The following TAF5 variants were observed in gnomAD, a reference collection of about 807,000 sequenced individuals.
The protein encoded by TAF5 is TATA-box binding protein associated factor 5, also known as transcription initiation factor TFIID subunit 5.
TAF5 carries 20 observed loss-of-function variants against 80.9 expected under a neutral mutation model. The observed-to-expected ratio is 0.25, with a 90% CI of 0.17 to 0.36. The LOEUF (loss-of-function observed/expected upper bound fraction) is 0.36, where lower values mean the gene tolerates loss of function less well. Ranked by LOEUF, TAF5 falls within the 10% of genes least tolerant of loss-of-function variation. TAF5 has a pLI of 1.00. For synonymous variants in TAF5, 388 were observed against 406.4 expected (o/e 0.95, Z 0.55); for missense variants, 863 against 1,029.4 (o/e 0.84, Z 2.21).
Position 103,387,108 on chromosome 10 carries a change from A to G in TAF5, c.1830-67A>G, listed in dbSNP as rs2093398475. On this transcript the variant is annotated intron_variant, in intron 8 of 10. Transcript: ENST00000369839. The stretch of plus-strand genomic sequence containing the variant: ...GTGGATGTTTCTGTATTTATTTTGT[A>G]TAGATTTTTGGCGTTTCACAGCTAT... The G allele has an allele frequency of 3.4e-6, 5 of 1,467,540 alleles. No homozygotes were observed. The South Asian group carries it at 5.3e-5, about 16-fold the overall frequency. 90.9% of individuals were successfully genotyped at this position (1,467,540 alleles called of 1,614,324 possible).
chr10:103,388,288 C>A lies in TAF5; in HGVS notation c.*65C>A. ...AAAAAGGGAGACTAAAAGCAAATAC[C>A]TCAGTGATTAATATTTAAGCTACAG... On this transcript the variant is annotated 3_prime_UTR_variant, in exon 11 of 11. Coordinates refer to ENST00000369839, the MANE Select transcript of TAF5 (RefSeq NM_006951.5). 7.7e-7 allele frequency: 1 copy of A among 1,306,106 alleles called. No homozygotes were observed. Among genetic ancestry groups the A allele is most frequent in the Non-Finnish European group, 1.1e-6 (1 of 932,550 alleles). The allele number at this position is 1,306,106 out of a possible 1,614,324, so 80.9% of individuals were successfully genotyped here.
At chr10:103,386,427 G>A (rs1188543960) in intron 8 of TAF5, among the ~76,000 whole-genome samples, 1 of 152,326 alleles carries the variant, frequency 6.6e-6, no homozygotes, top group Non-Finnish European at 1.5e-5. Flanking sequence ...ATGACAGAGT[G>A]AGACTGTCTC....
chr10:103,376,459 A>G (rs777554376), intron 2 of TAF5, among the ~76,000 whole-genome samples: 1 of 152,110 alleles, frequency 6.6e-6, no homozygotes, highest in South Asian at 2.1e-4. Flanking sequence ...ACAGGGTAGT[A>G]GTAATAGAGG....
At chr10:103,377,468 A>AT (rs1330500492) in intron 2 of TAF5, among the ~76,000 whole-genome samples, 1 of 152,210 alleles carries the variant, frequency 6.6e-6, no homozygotes, top group African/African-American at 2.4e-5. Flanking sequence ...ATGTTTTTGC[A>AT]TTGATTGCTG....
intron 8 of TAF5, among the ~76,000 whole-genome samples, chr10:103,386,299 C>T (rs542063556): frequency 1.3e-4 from 20 of 151,970 alleles, no homozygotes; most frequent in Admixed American, 3.9e-4. Context: ...AAAAATTAGC[C>T]GGGTGTGGTG....
intron 2 of TAF5, among the ~76,000 whole-genome samples, chr10:103,375,988 G>A (rs2093369150): frequency 6.6e-6 from 1 of 151,468 alleles, no homozygotes; most frequent in South Asian, 2.1e-4. Context: ...AATCTGGGAG[G>A]CAGAGGTTGC....
chr10:103,385,515 T>G, intron 8 of TAF5, 25 bp downstream of exon 8: 12 of 1,611,606 alleles, frequency 7.4e-6, no homozygotes, highest in Non-Finnish European at 1.0e-5. Flanking sequence ...ATCTTATGAC[T>G]GGGTCTATTC....
At chr10:103,383,719 C>T (rs2093388556) in intron 7 of TAF5, among the ~76,000 whole-genome samples, 2 of 151,900 alleles carry the variant, frequency 1.3e-5, no homozygotes, top group South Asian at 4.1e-4. Flanking sequence ...GCTGGGATTA[C>T]AGGCATGCGC....
intron 8 of TAF5, 115 bp from the exon 9 acceptor site, chr10:103,387,060 C>T (rs2093398303): frequency 3.2e-6 from 3 of 948,128 alleles, no homozygotes; most frequent in Admixed American, 5.8e-5. Context: ...AAGTGGGGGG[C>T]CCACTCAGAA....
rs1052878857 is a variant in TAF5 at position 103,383,129 on chromosome 10, A to G, written c.1535-109A>G. ...GGGATTAGCAAAGTGCGGTTGGTAT[A>G]TAGGAGGAAATTTTCAAATGTTAAT... On this transcript the variant is annotated intron_variant, in intron 6 of 10. Coordinates refer to ENST00000369839, the MANE Select transcript of TAF5 (RefSeq NM_006951.5). 3.3e-5 allele frequency: 33 copies of G among 999,040 alleles called. No homozygotes were observed. The Admixed American group carries it at 1.0e-3, about 31-fold the overall frequency. The allele number at this position is 999,040 out of a possible 1,614,324, so 61.9% of individuals were successfully genotyped here.
At chr10:103,376,248 T>A (rs902064264) in intron 2 of TAF5, among the ~76,000 whole-genome samples, 18 of 151,972 alleles carry the variant, frequency 1.2e-4, no homozygotes, top group African/African-American at 4.3e-4. Flanking sequence ...TGCATCACCA[T>A]GCCTGGCTAA....
rs147196685 is a variant in TAF5 at position 103,385,311 on chromosome 10, C to T, written c.1665-15C>T. ...TTACTCTGGGAGTCAAATATATCACCTTCTCTTCTCTCAGGAACTATCTGC... is the reference window on the plus strand; with the variant it reads ...TTACTCTGGGAGTCAAATATATCACTTTCTCTTCTCTCAGGAACTATCTGC... On this transcript the variant is annotated splice_polypyrimidine_tract_variant and intron_variant, in intron 7 of 10. Transcript: ENST00000369839. The T allele has an allele frequency of 9.4e-6, 15 of 1,592,576 alleles. No individual in the cohort carries two copies. Among genetic ancestry groups the T allele is most frequent in the Middle Eastern group, 1.7e-4 (1 of 5,994 alleles).
Position 103,381,735 on chromosome 10 carries a change from G to C in TAF5, c.1428G>C (p.Val476=), listed in dbSNP as rs143908412. Residue 476 remains valine, a synonymous_variant, in exon 6 of 11, where the codon GTG becomes GTC. Transcript: ENST00000369839. ...FLNAYQGLTA[V]DVTDDSSLIA... is the part of the protein sequence containing the mutation. ...TTTATTGGCAGGGTCTCACTGCAGTGGATGTCACTGATGATTCTAGTCTGA... is the reference window on the plus strand; with the variant it reads ...TTTATTGGCAGGGTCTCACTGCAGTCGATGTCACTGATGATTCTAGTCTGA... 4.1e-3 allele frequency: 6,577 copies of C among 1,614,142 alleles called. 21 individuals carry two copies. The highest frequency in any genetic ancestry group is 5.1e-3 in the Non-Finnish European group (6,028 of 1,180,012).
At chr10:103,381,568 A>G (rs1247757507) in intron 5 of TAF5, among the ~76,000 whole-genome samples, 153 bp from the exon 6 acceptor site, 3 of 152,192 alleles carry the variant, frequency 2.0e-5, no homozygotes, top group African/African-American at 7.2e-5. Context: ...CGCTTGGCCA[A>G]TATTTTAAAT....
chr10:103,368,286 C>A lies in TAF5; in HGVS notation c.297C>A (p.Ala99=). The change falls in exon 1 of 11, where the codon GCC becomes GCA. Residue 99 remains alanine (A), a synonymous_variant. Transcript: ENST00000369839. ...GAPHDRQTLL[A]VLQFLRQSKL... ...CGCATGACCGACAGACTCTACTGGC[C>A]GTGCTGCAGTTCCTACGGCAGAGCA... 3 of 1,579,164 alleles carry A rather than the reference C, an allele frequency of 1.9e-6. No individual in the cohort carries two copies. Among genetic ancestry groups the A allele is most frequent in the Non-Finnish European group, 2.6e-6 (3 of 1,171,824 alleles).
At position 103,387,590 on chromosome 10, in the gene TAF5, GTGCTTCTTTGGGA is replaced by G; in HGVS notation, c.2079_2091del (p.Leu695AspfsTer4). 6.2e-7 allele frequency: 1 copy of G among 1,614,138 alleles called. No homozygotes were observed. Among genetic ancestry groups the G allele is most frequent in the Non-Finnish European group, 8.5e-7 (1 of 1,180,026 alleles). ...GGCTACAGGAGCAACAGATGGCAGAGTGCTTCTTTGGGATATTGGACATGGTTTGATGGTTGGA... is the reference window on the plus strand; with the variant it reads ...GGCTACAGGAGCAACAGATGGCAGAGTATTGGACATGGTTTGATGGTTGGA... On this transcript the variant is annotated frameshift_variant, in exon 10 of 11. Coordinates refer to ENST00000369839, the MANE Select transcript of TAF5 (RefSeq NM_006951.5). LOFTEE classifies it high-confidence loss of function.
chr10:103,370,651 A>G (rs2133622173), intron 1 of TAF5, among the ~76,000 whole-genome samples: 1 of 152,108 alleles, frequency 6.6e-6, no homozygotes, highest in African/African-American at 2.4e-5. Context: ...TAATATCTAT[A>G]TGTAAAATGT....
chr10:103,369,591 C>T (rs1043480694), intron 1 of TAF5, among the ~76,000 whole-genome samples: 4 of 151,528 alleles, frequency 2.6e-5, no homozygotes, highest in African/African-American at 9.7e-5. Context: ...TCTTGAATTC[C>T]TGACCTCGTG....
At chr10:103,382,333 T>TCAGCTCCC (rs1178389952) in intron 6 of TAF5, among the ~76,000 whole-genome samples, 1 of 152,148 alleles carries the variant, frequency 6.6e-6, no homozygotes, top group Non-Finnish European at 1.5e-5. Context: ...TTTTCTTGTG[T>TCAGCTCCC]CAGCTCCCCA....
Sources: gnomAD v4.1 joint callset for allele counts (sites outside exome capture counted in the v4.1 genomes callset) on GRCh38, gnomAD v4.1.1 for gene constraint, MANE v1.5 for transcripts, NCBI Gene and HGNC (gene_info 2026-07-23, HGNC 2026-07-21) for gene names.